Variants in PADI4 observed in about 807,000 individuals in gnomAD.
PADI4 encodes peptidyl arginine deiminase 4.
Under a neutral mutation model 75.0 loss-of-function variants are expected in PADI4, and 62 were observed. The ratio of observed to expected loss-of-function variants is 0.83; its 90% CI spans 0.67 to 1.02. The LOEUF (loss-of-function observed/expected upper bound fraction) is 1.02. Among genes scored for constraint, PADI4 ranks in the 50% least tolerant of loss-of-function variants. The probability of loss-of-function intolerance (pLI) is 0.00; values close to 1 mark genes in which losing one functional copy is unlikely to be tolerated. For synonymous variants in PADI4, 361 were observed against 348.1 expected (o/e 1.04, Z -0.41); for missense variants, 845 against 850.5 (o/e 0.99, Z 0.08).
chr1:17,356,138 G>A lies in PADI4; in HGVS notation c.1455+11G>A. On this transcript the variant is annotated intron_variant, in intron 12 of 15. Transcript: ENST00000375448. This position sits in a 1 kb window ranked among gnomAD's most constrained non-coding sequence, Gnocchi z 4.1. Reference sequence around the variant, plus strand: ...GCACCCGACAGGAAGGTACAGTCTTGGGGGCTGCCTCAGGAAGCCATGCCT... The same window carrying A: ...GCACCCGACAGGAAGGTACAGTCTTAGGGGCTGCCTCAGGAAGCCATGCCT... 6.2e-7 allele frequency: 1 copy of A among 1,612,920 alleles called. No homozygotes were observed. Among genetic ancestry groups the A allele is most frequent in the South Asian group, 1.1e-5 (1 of 91,046 alleles).
chr1:17,310,121 T>C (rs1277988461), intron 1 of PADI4, among the ~76,000 whole-genome samples: 1 of 152,206 alleles, frequency 6.6e-6, no homozygotes, highest in Non-Finnish European at 1.5e-5. Flanking sequence ...CTCTATCCCC[T>C]GAACATCTCA....
intron 1 of PADI4, among the ~76,000 whole-genome samples, chr1:17,314,258 C>T (rs1017065540): frequency 6.6e-6 from 1 of 152,222 alleles, no homozygotes; most frequent in African/African-American, 2.4e-5. Context: ...CTGTCCCCAT[C>T]CTCTGACCAC....
chr1:17,330,992 C>A lies in PADI4; in HGVS notation c.116C>A (p.Ser39Tyr). 2 of 1,591,414 alleles carry A rather than the reference C, an allele frequency of 1.3e-6. No homozygotes were observed. The highest frequency in any genetic ancestry group is 1.7e-6 in the Non-Finnish European group (2 of 1,171,424). Residue 39 changes from serine to tyrosine, a missense_variant, in exon 2 of 16, where the codon TCC (serine) becomes TAC (tyrosine). Physicochemically the swap from Ser to Tyr is moderately radical, Grantham distance 144. Transcript: ENST00000375448. Reference sequence around the variant, plus strand: ...AGCTCTGCCCCTGAGGACTGCACGTCCTTCAGCATCAACGCCTCCCCAGGG... The same window carrying A: ...AGCTCTGCCCCTGAGGACTGCACGTACTTCAGCATCAACGCCTCCCCAGGG... The part of the protein sequence containing the change: ...ICSSAPEDCT[S>Y]FSINASPGVV...
chr1:17,352,019 GGCCAGGGAGGTGATGGGAGGAGAGGCA>G (rs1557576592), intron 10 of PADI4, among the ~76,000 whole-genome samples: 430 of 15,172 alleles, frequency 0.028, 45 homozygotes, highest in African/African-American at 0.11. Context: ...GAGGAGAGGC[GGCCAGGGAGGTGATGGGAGGAGAGGCA>G]GTCAGGGAGG....
chr1:17,328,827 A>C (rs1214842667), intron 1 of PADI4, among the ~76,000 whole-genome samples: 2 of 152,010 alleles, frequency 1.3e-5, no homozygotes, highest in Non-Finnish European at 2.9e-5. Flanking sequence ...TAGATTTACC[A>C]AAATATTTAC....
intron 1 of PADI4, among the ~76,000 whole-genome samples, chr1:17,319,357 G>A (rs889823085): frequency 2.2e-4 from 34 of 152,150 alleles, no homozygotes; most frequent in African/African-American, 7.9e-4. Context: ...CTTGAGCCCA[G>A]GAGTTCAAGA....
rs1001203262 is a variant in PADI4, at chr1:17,319,850, C to T, written c.93-11119C>T. Among the ~76,000 whole-genome samples the T allele has an allele frequency of 2.0e-5, 3 of 152,178 alleles. No homozygotes were observed. In the East Asian group the frequency reaches 5.8e-4, roughly 29 times the overall value. ...CTGCCTGAGATCAGCCAAAACAGTG[C>T]TTGGTATAAAAGTAGGTCACGGGCT... On this transcript the variant is annotated intron_variant, in intron 1 of 15. Coordinates refer to ENST00000375448, the MANE Select transcript of PADI4 (RefSeq NM_012387.3).
chr1:17,355,994 G>T lies in PADI4; in HGVS notation c.1322G>T (p.Arg441Leu). 1 of 1,614,140 alleles carries T rather than the reference G, an allele frequency of 6.2e-7. No homozygotes were observed. Among genetic ancestry groups the T allele is most frequent in the Non-Finnish European group, 8.5e-7 (1 of 1,180,034 alleles). Reference sequence around the variant, plus strand: ...CCCTGCCATGACAGCAATGACAGCCGGCAGATGCACCAGGCCCTGCAGGAC... The same window carrying T: ...CCCTGCCATGACAGCAATGACAGCCTGCAGATGCACCAGGCCCTGCAGGAC... The part of the protein sequence containing the change: ...GDSCYPSNDS[R>L]QMHQALQDFL... The change falls in exon 12 of 16, where the codon CGG (arginine) becomes CTG (leucine). Residue 441 changes from arginine to leucine, a missense_variant. Coordinates refer to ENST00000375448, the MANE Select transcript of PADI4 (RefSeq NM_012387.3).
intron 1 of PADI4, among the ~76,000 whole-genome samples, chr1:17,319,322 T>C (rs2073995164): frequency 6.6e-6 from 1 of 152,024 alleles, no homozygotes; most frequent in South Asian, 2.1e-4. Context: ...TCCCAGCACT[T>C]TGGAAGGCCA....
chr1:17,343,881 T>C (rs1338675599), intron 8 of PADI4, among the ~76,000 whole-genome samples: 1 of 152,050 alleles, frequency 6.6e-6, no homozygotes, highest in Non-Finnish European at 1.5e-5. Flanking sequence ...AGCGTGAAAA[T>C]GGACTAATAC....
rs370820749 is a variant in PADI4, at chr1:17,308,269, A to G, written c.47A>G (p.His16Arg). 5.1e-5 allele frequency: 83 copies of G among 1,613,992 alleles called. No individual in the cohort carries two copies. The highest frequency in any genetic ancestry group is 1.2e-4 in the Admixed American group (7 of 59,998). The change falls in exon 1 of 16, where the codon CAT becomes CGT. Residue 16 changes from histidine (H) to arginine (R), a missense_variant. Coordinates refer to ENST00000375448, the MANE Select transcript of PADI4 (RefSeq NM_012387.3). Reference sequence around the variant, plus strand: ...CGTGTGACCCCAGAGCAGCCCACCCATGCCGTGTGTGTGCTGGGCACCTTG... The same window carrying G: ...CGTGTGACCCCAGAGCAGCCCACCCGTGCCGTGTGTGTGCTGGGCACCTTG... Reference protein sequence around the residue: ...LIRVTPEQPTHAVCVLGTLTQ... With the variant: ...LIRVTPEQPTRAVCVLGTLTQ...
rs10437048 is a variant in PADI4, at chr1:17,356,224, A to C, written c.1455+97A>C. On this transcript the variant is annotated intron_variant, in intron 12 of 15. Transcript: ENST00000375448. This position sits in a 1 kb window ranked among gnomAD's most constrained non-coding sequence, Gnocchi z 4.1. ...AACTTTACTTGTCTATTTCTCCTTC[A>C]CCCTTAGGATGGCAGTAGAGGAGGT... The C allele has an allele frequency of 7.1e-7, 1 of 1,417,996 alleles. No homozygotes were observed. The highest frequency in any genetic ancestry group is 9.7e-7 in the Non-Finnish European group (1 of 1,029,894). 87.8% of individuals were successfully genotyped at this position (1,417,996 alleles called of 1,614,324 possible). A position where few individuals can be genotyped will look rare whatever the true frequency, so the allele number is the denominator to read the frequency against.
chr1:17,328,913 G>A lies in PADI4; in HGVS notation c.93-2056G>A, dbSNP rs867802059. 2.6e-5 allele frequency among the ~76,000 whole-genome samples: 4 copies of A among 151,188 alleles called. No homozygotes were observed. The South Asian group carries it at 6.3e-4, about 24-fold the overall frequency. On this transcript the variant is annotated intron_variant, in intron 1 of 15. Transcript: ENST00000375448. The stretch of plus-strand genomic sequence containing the variant: ...ATCAGATACCTCCATCCTAAACTAC[G>A]CCTTCAGAAATTGCCTTGGTGAAAA...
At chr1:17,359,234 C>CCCCCCCCCCCA in intron 14 of PADI4, 46 bp from the exon 15 acceptor site, 11 of 888,912 alleles carry the variant, frequency 1.2e-5, no homozygotes, top group South Asian at 3.0e-5. Context: ...CCCCCACCCC[C>CCCCCCCCCCCA]GACTGCCATC....
At chr1:17,310,926 G>A (rs1222993410) in intron 1 of PADI4, among the ~76,000 whole-genome samples, 7 of 151,994 alleles carry the variant, frequency 4.6e-5, no homozygotes, top group African/African-American at 7.2e-5. Flanking sequence ...GTGAAACGCC[G>A]TCTCTACTAA....
chr1:17,314,660 G>A (rs2073901638), intron 1 of PADI4, among the ~76,000 whole-genome samples: 1 of 152,228 alleles, frequency 6.6e-6, no homozygotes, highest in Non-Finnish European at 1.5e-5. Context: ...TCAGTGGCTA[G>A]GCCAAGGTCA....
intron 2 of PADI4, 147 bp from the exon 3 acceptor site, chr1:17,333,796 G>C (rs548903812): frequency 1.7e-6 from 1 of 588,986 alleles, no homozygotes; most frequent in South Asian, 2.1e-5. Flanking sequence ...CATTCCCATC[G>C]GATGGGGCCA....
chr1:17,327,545 ACT>A (rs1491547900), intron 1 of PADI4, among the ~76,000 whole-genome samples: 36 of 149,140 alleles, frequency 2.4e-4, no homozygotes, highest in Non-Finnish European at 1.0e-4. Context: ...TTGATTATTT[ACT>A]TTTTTTTTTT....
At position 17,333,927 on chromosome 1, in the gene PADI4, A is replaced by G; in HGVS notation, c.274-16A>G. 6.3e-7 allele frequency: 1 copy of G among 1,597,668 alleles called. No individual in the cohort carries two copies. Among genetic ancestry groups the G allele is most frequent in the South Asian group, 1.1e-5 (1 of 90,762 alleles). ...GAATGACTAAGAGAAGTCATTAGTGATCTGCTCTCCCATAGGTTCAGATTT... is the reference window on the plus strand; with the variant it reads ...GAATGACTAAGAGAAGTCATTAGTGGTCTGCTCTCCCATAGGTTCAGATTT... On this transcript the variant is annotated splice_polypyrimidine_tract_variant and intron_variant, in intron 2 of 15. Coordinates refer to ENST00000375448, the MANE Select transcript of PADI4 (RefSeq NM_012387.3).
Sources: gnomAD v4.1 joint callset for allele counts (sites outside exome capture counted in the v4.1 genomes callset) on GRCh38, gnomAD v4.1.1 for gene constraint, Gnocchi (gnomAD v3.1) non-coding constraint, MANE v1.5 for transcripts, NCBI Gene and HGNC (gene_info 2026-07-23, HGNC 2026-07-21) for gene names.